The following KYNU variants were observed in gnomAD, a reference collection of about 807,000 sequenced individuals.
The protein encoded by KYNU is kynureninase.
KYNU carries 54 observed loss-of-function variants against 59.2 expected under a neutral mutation model. That is an observed-to-expected ratio of 0.91 (90% CI 0.73 to 1.14). KYNU has a LOEUF of 1.14. Among genes scored for constraint, KYNU ranks in the 50% most tolerant of loss-of-function variants. KYNU has a pLI of 0.00. For synonymous variants in KYNU, 177 were observed against 192.0 expected (o/e 0.92, Z 0.65); for missense variants, 567 against 554.4 (o/e 1.02, Z -0.23).
rs576057817 is a variant in KYNU at position 142,906,824 on chromosome 2, G to C, written c.170-11785G>C. 3.9e-5 allele frequency among the ~76,000 whole-genome samples: 6 copies of C among 152,260 alleles called. No homozygotes were observed. In the South Asian group the frequency reaches 1.2e-3, roughly 32 times the overall value. On this transcript the variant is annotated intron_variant, in intron 2 of 13. Coordinates refer to ENST00000264170, the MANE Select transcript of KYNU (RefSeq NM_003937.3). ...TGCACCATGATCTCGACCGGCCAAT[G>C]CCAGGGGTTCAGGACGACAGCTTTC...
chr2:142,907,672 C>A (rs1329324618), intron 2 of KYNU, among the ~76,000 whole-genome samples: 1 of 150,486 alleles, frequency 6.6e-6, no homozygotes, highest in African/African-American at 2.5e-5. Flanking sequence ...GGGTTTATAT[C>A]CTGATCATTG....
intron 10 of KYNU, among the ~76,000 whole-genome samples, chr2:142,998,787 T>C (rs34905937): frequency 6.6e-6 from 1 of 151,808 alleles, no homozygotes; most frequent in East Asian, 1.9e-4. Context: ...GGAGGGCAGA[T>C]CACAAGGTCA....
intron 11 of KYNU, among the ~76,000 whole-genome samples, chr2:143,032,946 G>T (rs1047316712): frequency 6.6e-6 from 1 of 152,124 alleles, no homozygotes; most frequent in African/African-American, 2.4e-5. Context: ...CTTGGGAATA[G>T]GAAGGCAGAG....
rs1183515976 is a variant in KYNU, at chr2:142,969,988, G to A, written c.729+9218G>A. Among the ~76,000 whole-genome samples, 5 of 152,116 alleles carry A rather than the reference G, an allele frequency of 3.3e-5. 1 individual carries two copies. Among genetic ancestry groups the A allele is most frequent in the Middle Eastern group, 6.3e-3 (2 of 316 alleles). ...AAATGAAAGTGTTCCAATGTGAAAT[G>A]TACACATCAGTTCTAATTTATTCTA... On this transcript the variant is annotated intron_variant, in intron 8 of 13. Coordinates refer to ENST00000264170, the MANE Select transcript of KYNU (RefSeq NM_003937.3).
intron 12 of KYNU, among the ~76,000 whole-genome samples, chr2:143,036,155 T>C (rs1686888281): frequency 6.6e-6 from 1 of 151,864 alleles, no homozygotes; most frequent in Non-Finnish European, 1.5e-5. Flanking sequence ...CAGTCTCCTG[T>C]TTGAAATGTT....
chr2:142,962,061 A>G (rs908267168), intron 8 of KYNU, among the ~76,000 whole-genome samples: 5 of 152,222 alleles, frequency 3.3e-5, no homozygotes, highest in African/African-American at 1.2e-4. Context: ...ATATAAAGAT[A>G]ATGTCTTCTT....
chr2:142,941,853 G>T (rs1274329495), intron 4 of KYNU, among the ~76,000 whole-genome samples: 1 of 152,048 alleles, frequency 6.6e-6, no homozygotes, highest in Non-Finnish European at 1.5e-5. Flanking sequence ...TCAGAGAAAT[G>T]GTCCTTACTT....
intron 10 of KYNU, among the ~76,000 whole-genome samples, chr2:143,006,747 C>T (rs1451896911): frequency 1.3e-5 from 2 of 151,644 alleles, no homozygotes; most frequent in South Asian, 2.1e-4. Context: ...GGTTCCTGAC[C>T]CCTGACCCCC....
At chr2:142,934,025 G>A (rs1218890593) in intron 4 of KYNU, among the ~76,000 whole-genome samples, 1 of 152,202 alleles carries the variant, frequency 6.6e-6, no homozygotes, top group African/African-American at 2.4e-5. Context: ...GGAACTACTA[G>A]ACATACTGGG....
At chr2:142,931,230 G>T (rs941877901) in intron 4 of KYNU, among the ~76,000 whole-genome samples, 1 of 152,198 alleles carries the variant, frequency 6.6e-6, no homozygotes, top group Non-Finnish European at 1.5e-5. Flanking sequence ...AGGCCTCAGG[G>T]AGAATCGTAC....
chr2:142,899,664 G>A (rs1411608690), intron 2 of KYNU, among the ~76,000 whole-genome samples: 3 of 152,166 alleles, frequency 2.0e-5, no homozygotes, highest in Non-Finnish European at 4.4e-5. Context: ...GGCTGTCCAG[G>A]GGCCCACAGT....
At chr2:142,919,086 T>C (rs1377524191) in intron 3 of KYNU, among the ~76,000 whole-genome samples, 2 of 152,252 alleles carry the variant, frequency 1.3e-5, no homozygotes, top group African/African-American at 2.4e-5. Context: ...TTAGTATATA[T>C]GCAGCCATCC....
intron 1 of KYNU, among the ~76,000 whole-genome samples, chr2:142,881,105 T>A (rs1201332368): frequency 2.0e-5 from 3 of 152,052 alleles, no homozygotes; most frequent in Admixed American, 6.5e-5. Flanking sequence ...TTGGCTAGAA[T>A]CCAAACAAGT....
intron 10 of KYNU, among the ~76,000 whole-genome samples, chr2:143,020,968 A>G (rs1035252641): frequency 6.6e-6 from 1 of 152,170 alleles, no homozygotes; most frequent in Non-Finnish European, 1.5e-5. Context: ...AGACTTTTGT[A>G]TTTTTGTCAA....
chr2:142,931,150 T>C (rs1426020183), intron 4 of KYNU, among the ~76,000 whole-genome samples: 2 of 152,232 alleles, frequency 1.3e-5, no homozygotes, highest in Non-Finnish European at 2.9e-5. Flanking sequence ...CGCACGCCGC[T>C]GACGTAAGTA....
In KYNU at chr2:143,047,852, CTTT is replaced by C. The variant is rs61229238; in HGVS notation, c.*5704_*5706del. ...GGCATAAGCTGCCACTCCTGGACCT[CTTT>C]TTTTTTTTTTTTTTTTTTTTTTTGA... is the stretch of plus-strand genomic sequence containing the variant. On this transcript the variant is annotated 3_prime_UTR_variant, in exon 14 of 14. Transcript: ENST00000264170. 9.0e-4 allele frequency: 90 copies of C among 100,344 alleles called. 1 individual carries two copies. Among genetic ancestry groups the C allele is most frequent in the East Asian group, 3.1e-3 (10 of 3,268 alleles). The allele number at this position is 100,344 out of a possible 1,614,324, so 6.2% of individuals were successfully genotyped here.
intron 2 of KYNU, among the ~76,000 whole-genome samples, chr2:142,895,262 C>G (rs1007297176): frequency 1.3e-5 from 2 of 152,176 alleles, no homozygotes; most frequent in Admixed American, 1.3e-4. Flanking sequence ...CCCCAAAAGA[C>G]TCCTTTATGC....
At chr2:142,906,364 TG>T in intron 2 of KYNU, among the ~76,000 whole-genome samples, 1 of 152,252 alleles carries the variant, frequency 6.6e-6, no homozygotes, top group East Asian at 1.9e-4. Context: ...GGTCGGGGGA[TG>T]CTGGGTAGAA....
intron 4 of KYNU, among the ~76,000 whole-genome samples, chr2:142,951,977 G>A (rs760926517): frequency 5.3e-5 from 8 of 152,238 alleles, no homozygotes; most frequent in Admixed American, 6.5e-5. Context: ...GGGAACATGT[G>A]TGTAGGTGCA....
Sources: gnomAD v4.1 joint callset for allele counts (sites outside exome capture counted in the v4.1 genomes callset) on GRCh38, gnomAD v4.1.1 for gene constraint, MANE v1.5 for transcripts, NCBI Gene and HGNC (gene_info 2026-07-23, HGNC 2026-07-21) for gene names.